PDZRN4: variants seen among roughly 807,000 people sequenced by gnomAD.
PDZRN4 encodes the protein PDZ domain containing ring finger 4, also known as PDZ domain-containing RING finger protein 4.
Under a neutral mutation model 99.0 loss-of-function variants are expected in PDZRN4, and 70 were observed. The ratio of observed to expected loss-of-function variants is 0.71; its 90% CI spans 0.58 to 0.86. The LOEUF is 0.86. PDZRN4 is among the 40% of genes least tolerant of loss of function. The probability of loss-of-function intolerance (pLI) is 0.00; values close to 1 mark genes in which losing one functional copy is unlikely to be tolerated. For missense variants in PDZRN4, 1,474 were observed against 1,331.2 expected, an observed-to-expected ratio of 1.11 and a Z score of -1.67; for synonymous variants, 551 against 501.6, an observed-to-expected ratio of 1.10 and a Z score of -1.32.
At chr12:41,253,539 T>C (rs1897230) in intron 3 of PDZRN4, among the ~76,000 whole-genome samples, 4,274 of 152,276 alleles carry the variant, frequency 0.028, 215 homozygotes, top group African/African-American at 0.098. Flanking sequence ...TTACTGTTAC[T>C]GGGAATGTAA....
At chr12:41,302,264 A>G (rs1255583654) in intron 3 of PDZRN4, among the ~76,000 whole-genome samples, 1 of 152,062 alleles carries the variant, frequency 6.6e-6, no homozygotes, top group Non-Finnish European at 1.5e-5. Context: ...GTACTTTTGT[A>G]TTTCTACATT....
At position 41,573,104 on chromosome 12, in the gene PDZRN4, A is replaced by C. The variant is rs773483512; in HGVS notation, c.2325A>C (p.Thr775=). The part of the protein sequence containing the change: ...NLTNKKNLRS[T]MAATQSSSGQ... ...CCAATAAGAAAAACCTGAGAAGCAC[A>C]ATGGCAGCCACCCAGTCCTCTTCCG... Residue 775 remains threonine, a synonymous_variant, in exon 10 of 10, where the codon ACA becomes ACC. Transcript: ENST00000402685. The C allele has an allele frequency of 3.1e-6, 5 of 1,614,002 alleles. No homozygotes were observed. Among genetic ancestry groups the C allele is most frequent in the Non-Finnish European group, 4.2e-6 (5 of 1,180,008 alleles).
At chr12:41,567,372 C>T (rs998107762) in intron 8 of PDZRN4, among the ~76,000 whole-genome samples, 3 of 152,020 alleles carry the variant, frequency 2.0e-5, no homozygotes, top group Non-Finnish European at 4.4e-5. Flanking sequence ...TGTGCAGTCT[C>T]GTTGGGGGTT....
chr12:41,291,072 T>C (rs1446937922), intron 3 of PDZRN4, among the ~76,000 whole-genome samples: 2 of 152,150 alleles, frequency 1.3e-5, no homozygotes, highest in African/African-American at 4.8e-5. Flanking sequence ...ATGTAAATTC[T>C]AAGATGGAAC....
intron 3 of PDZRN4, among the ~76,000 whole-genome samples, chr12:41,388,316 G>A (rs1952186291): frequency 6.6e-6 from 1 of 151,948 alleles, no homozygotes. Flanking sequence ...TAATACTTGG[G>A]TGATAAAATA....
intron 1 of PDZRN4, among the ~76,000 whole-genome samples, chr12:41,189,453 G>T (rs1950721348): frequency 6.6e-6 from 1 of 152,066 alleles, no homozygotes; most frequent in Non-Finnish European, 1.5e-5. Context: ...TTGAGCACTT[G>T]TCCCGTGCCT....
intron 3 of PDZRN4, among the ~76,000 whole-genome samples, chr12:41,458,549 G>A (rs186676295): frequency 6.6e-6 from 1 of 152,162 alleles, no homozygotes; most frequent in South Asian, 2.1e-4. Context: ...ATAAGGGAGG[G>A]TTACTATTAA....
intron 3 of PDZRN4, among the ~76,000 whole-genome samples, chr12:41,201,234 C>T (rs1566355441): frequency 6.6e-6 from 1 of 151,170 alleles, no homozygotes; most frequent in Non-Finnish European, 1.5e-5. Flanking sequence ...GGCCTCTCTG[C>T]TTTTATTTGT....
intron 5 of PDZRN4, among the ~76,000 whole-genome samples, chr12:41,540,364 T>A (rs1199401294): frequency 6.6e-6 from 1 of 152,208 alleles, no homozygotes; most frequent in Non-Finnish European, 1.5e-5. Context: ...GAGATTTAAT[T>A]CATTATTATG....
intron 3 of PDZRN4, among the ~76,000 whole-genome samples, chr12:41,247,955 G>A (rs1330005077): frequency 8.8e-6 from 1 of 113,862 alleles, no homozygotes; most frequent in African/African-American, 2.8e-5. Flanking sequence ...TCCATGTGCT[G>A]AAGGCTCACA....
intron 3 of PDZRN4, among the ~76,000 whole-genome samples, chr12:41,227,321 T>C (rs2120741167): frequency 6.6e-6 from 1 of 152,244 alleles, no homozygotes. Context: ...TGCTTCTCTA[T>C]ATTTTATCAG....
intron 3 of PDZRN4, among the ~76,000 whole-genome samples, chr12:41,337,572 G>A (rs959582873): frequency 6.6e-6 from 1 of 152,128 alleles, no homozygotes; most frequent in African/African-American, 2.4e-5. Flanking sequence ...AGGAGCAATG[G>A]AGCTTGGTTC....
chr12:41,514,588 G>A (rs1283808659), intron 5 of PDZRN4, among the ~76,000 whole-genome samples: 2 of 152,004 alleles, frequency 1.3e-5, no homozygotes, highest in Non-Finnish European at 2.9e-5. Flanking sequence ...TATCTGCCTT[G>A]CTTATCATTG....
chr12:41,215,510 A>G (rs1412200594), intron 3 of PDZRN4, among the ~76,000 whole-genome samples: 1 of 152,060 alleles, frequency 6.6e-6, no homozygotes, highest in Non-Finnish European at 1.5e-5. Context: ...TATAATAAAC[A>G]AAAAGTATAC....
intron 3 of PDZRN4, among the ~76,000 whole-genome samples, chr12:41,491,660 A>G (rs1392889879): frequency 6.6e-6 from 1 of 152,184 alleles, no homozygotes; most frequent in Non-Finnish European, 1.5e-5. Flanking sequence ...GTGGCCAACT[A>G]AGGCACAATT....
chr12:41,554,821 A>ATGTG (rs146892184), intron 6 of PDZRN4, among the ~76,000 whole-genome samples: 19 of 148,500 alleles, frequency 1.3e-4, no homozygotes, highest in Non-Finnish European at 2.4e-4. Flanking sequence ...GTGTGTGTGT[A>ATGTG]TGTGTGTGTG....
At chr12:41,467,322 A>C (rs1292923333) in intron 3 of PDZRN4, among the ~76,000 whole-genome samples, 3 of 152,218 alleles carry the variant, frequency 2.0e-5, no homozygotes, top group Non-Finnish European at 2.9e-5. Flanking sequence ...TTTTGACTGA[A>C]AATATGTGTA....
chr12:41,251,276 T>G (rs1416202528), intron 3 of PDZRN4, among the ~76,000 whole-genome samples: 1 of 152,134 alleles, frequency 6.6e-6, no homozygotes, highest in Admixed American at 6.6e-5. Context: ...CCTCTTCAAT[T>G]AGGGCATGAA....
At chr12:41,242,903 G>A (rs1951109939) in intron 3 of PDZRN4, among the ~76,000 whole-genome samples, 2 of 152,262 alleles carry the variant, frequency 1.3e-5, no homozygotes, top group South Asian at 4.1e-4. Context: ...CTGCCCAGTG[G>A]TAAATAGAAT....
Sources: gnomAD v4.1 joint callset for allele counts (sites outside exome capture counted in the v4.1 genomes callset) on GRCh38, gnomAD v4.1.1 for gene constraint, MANE v1.5 for transcripts, NCBI Gene and HGNC (gene_info 2026-07-23, HGNC 2026-07-21) for gene names.